CABLES1: variants seen among roughly 807,000 people sequenced by gnomAD.
The protein encoded by CABLES1 is Cdk5 and Abl enzyme substrate 1.
Under a neutral mutation model 57.8 loss-of-function variants are expected in CABLES1, and 36 were observed. The observed-to-expected ratio is 0.62, with a 90% CI of 0.48 to 0.82. The LOEUF is 0.82. Among genes scored for constraint, CABLES1 ranks in the 40% least tolerant of loss-of-function variants. The pLI, the probability that CABLES1 is intolerant of heterozygous loss-of-function variation, is 0.00. For missense variants in CABLES1, 767 were observed against 836.6 expected (o/e 0.92, Z 1.03); for synonymous variants, 374 against 363.0 (o/e 1.03, Z -0.35).
chr18:23,144,578 C>G (rs55865842), intron 1 of CABLES1, among the ~76,000 whole-genome samples: 3 of 152,236 alleles, frequency 2.0e-5, no homozygotes, highest in South Asian at 2.1e-4. Flanking sequence ...GTTTTATTTG[C>G]GTGGCAGTCT....
chr18:23,226,079 A>G (rs2047525183), intron 4 of CABLES1, among the ~76,000 whole-genome samples: 1 of 152,232 alleles, frequency 6.6e-6, no homozygotes, highest in Admixed American at 6.5e-5. Flanking sequence ...AAGTTCAGAG[A>G]AGAAGGTGAA....
At chr18:23,162,086 A>G (rs1334146271) in intron 1 of CABLES1, among the ~76,000 whole-genome samples, 1 of 151,644 alleles carries the variant, frequency 6.6e-6, no homozygotes, top group East Asian at 1.9e-4. Flanking sequence ...AATCGCTTGA[A>G]CTCGGGAGGC....
chr18:23,192,826 A>AG (rs1320954051), intron 2 of CABLES1, among the ~76,000 whole-genome samples: 1 of 152,070 alleles, frequency 6.6e-6, no homozygotes, highest in African/African-American at 2.4e-5. Flanking sequence ...GGCTGTTTGG[A>AG]GTTCTGGGTC....
intron 7 of CABLES1, among the ~76,000 whole-genome samples, chr18:23,245,010 A>G (rs2047838989): frequency 6.6e-6 from 1 of 152,206 alleles, no homozygotes; most frequent in Admixed American, 6.5e-5. Flanking sequence ...CAGACCAACA[A>G]CCTGTCTGCT....
At chr18:23,251,278 C>T (rs1009283106) in intron 7 of CABLES1, among the ~76,000 whole-genome samples, 27 of 152,194 alleles carry the variant, frequency 1.8e-4, no homozygotes, top group Non-Finnish European at 2.5e-4. Flanking sequence ...CATGGCGAAC[C>T]CCCATTTACT....
chr18:23,139,789 T>A (rs1183953805), intron 1 of CABLES1, among the ~76,000 whole-genome samples: 1 of 151,948 alleles, frequency 6.6e-6, no homozygotes, highest in Admixed American at 6.6e-5. Flanking sequence ...GATAGGAACC[T>A]GGATCATTGA....
intron 4 of CABLES1, among the ~76,000 whole-genome samples, chr18:23,219,518 G>C (rs1287548068): frequency 6.6e-6 from 1 of 152,242 alleles, no homozygotes; most frequent in Non-Finnish European, 1.5e-5. Flanking sequence ...GAACTCTCAG[G>C]CAGGGCCTGC....
At position 23,234,633 on chromosome 18, in the gene CABLES1, C is replaced by T; in HGVS notation, c.1114C>T (p.Gln372Ter). The T allele has an allele frequency of 6.2e-7, 1 of 1,613,926 alleles. No homozygotes were observed. Among genetic ancestry groups the T allele is most frequent in the Non-Finnish European group, 8.5e-7 (1 of 1,179,820 alleles). ...GGACTTGAAGTTGGACGGAGGAAGA[C>T]AATCAACTGGTGCAGTGAGTTTGAA... ...VGDLKLDGGR[Q>*]STGAVSLKEI... The change falls in exon 5 of 10, where the codon CAA (glutamine) becomes TAA (stop). Residue 372 changes from glutamine to a stop codon, truncating the protein, a stop_gained. Transcript: ENST00000256925. LOFTEE classifies it high-confidence loss of function.
chr18:23,244,410 G>A (rs372585490), intron 7 of CABLES1, among the ~76,000 whole-genome samples: 1 of 152,220 alleles, frequency 6.6e-6, no homozygotes, highest in Non-Finnish European at 1.5e-5. Context: ...TTTTGAATTC[G>A]ATGGGTAGAA....
intron 1 of CABLES1, among the ~76,000 whole-genome samples, chr18:23,150,854 A>T (rs1402994547): frequency 6.6e-6 from 1 of 151,384 alleles, no homozygotes; most frequent in Non-Finnish European, 1.5e-5. Context: ...TGAGATGCCG[A>T]TGCACTTGAT....
At chr18:23,208,370 G>GT (rs2047379556) in intron 3 of CABLES1, among the ~76,000 whole-genome samples, 1 of 152,170 alleles carries the variant, frequency 6.6e-6, no homozygotes, top group Non-Finnish European at 1.5e-5. Context: ...AGAACATTTT[G>GT]TTGGTGGTGG....
chr18:23,139,104 A>G (rs866726957), intron 1 of CABLES1, among the ~76,000 whole-genome samples: 4 of 152,154 alleles, frequency 2.6e-5, no homozygotes, highest in African/African-American at 9.7e-5. Context: ...GGTATATAAA[A>G]ATTAGAATGT....
intron 1 of CABLES1, among the ~76,000 whole-genome samples, chr18:23,144,467 C>T (rs1253728943): frequency 6.6e-6 from 1 of 152,218 alleles, no homozygotes; most frequent in East Asian, 1.9e-4. Flanking sequence ...GCTGCACCAC[C>T]CAGCCCACCC....
chr18:23,141,001 A>G (rs1352502696), intron 1 of CABLES1, among the ~76,000 whole-genome samples: 1 of 152,208 alleles, frequency 6.6e-6, no homozygotes, highest in East Asian at 1.9e-4. Context: ...CTTGTGCTAA[A>G]TGCTTCAGAT....
At chr18:23,167,773 C>A (rs2047053642) in intron 1 of CABLES1, among the ~76,000 whole-genome samples, 1 of 151,964 alleles carries the variant, frequency 6.6e-6, no homozygotes, top group South Asian at 2.1e-4. Flanking sequence ...AGCGGTGGTT[C>A]CAAGCCAGGC....
chr18:23,228,353 G>A (rs1454338131), intron 4 of CABLES1, among the ~76,000 whole-genome samples: 3 of 152,118 alleles, frequency 2.0e-5, no homozygotes, highest in African/African-American at 4.8e-5. Context: ...TAATGACCTA[G>A]GTATTCCCCT....
intron 1 of CABLES1, chr18:23,149,976 G>A (rs923531315): frequency 1.3e-5 from 2 of 152,222 alleles, no homozygotes; most frequent in South Asian, 4.1e-4. Flanking sequence ...TGCTATCCAG[G>A]TAATGCAGGG....
chr18:23,188,580 G>A (rs2047219546), intron 1 of CABLES1, among the ~76,000 whole-genome samples: 1 of 127,006 alleles, frequency 7.9e-6, no homozygotes, highest in Non-Finnish European at 1.6e-5. Flanking sequence ...TGGGGGAAGT[G>A]TCAGCATCAA....
At chr18:23,136,674 G>C (rs2046824784) in intron 1 of CABLES1, 67 bp downstream of exon 1, 4 of 1,072,908 alleles carry the variant, frequency 3.7e-6, no homozygotes, top group Non-Finnish European at 5.0e-6. Context: ...CCTCCCCGCG[G>C]TCTCTGGGCT....
Sources: allele counts gnomAD v4.1 joint callset (sites outside exome capture counted in the v4.1 genomes callset), GRCh38; gene constraint gnomAD v4.1.1; transcripts MANE v1.5; gene names NCBI Gene and HGNC (gene_info 2026-07-23, HGNC 2026-07-21).